The following TDRD5 variants were observed in gnomAD, a reference collection of about 807,000 sequenced individuals.
TDRD5 encodes tudor domain-containing protein 5.
TDRD5 carries 41 observed loss-of-function variants against 120.6 expected under a neutral mutation model. The observed-to-expected ratio is 0.34, with a 90% CI of 0.26 to 0.44. The LOEUF is 0.44. Among genes scored for constraint, TDRD5 ranks in the 20% least tolerant of loss-of-function variants. The pLI is 1.00. For missense variants in TDRD5, 1,006 were observed against 1,221.2 expected, an observed-to-expected ratio of 0.82 and a Z score of 2.63; for synonymous variants, 430 against 433.7, an observed-to-expected ratio of 0.99 and a Z score of 0.11.
chr1:179,654,079 A>G, intron 13 of TDRD5, 122 bp from the exon 14 acceptor site: 2 of 773,588 alleles, frequency 2.6e-6, no homozygotes, highest in East Asian at 2.9e-5. Flanking sequence ...GGATAAAGCT[A>G]TAAAATAATG....
chr1:179,663,870 AT>A (rs1396996352), intron 16 of TDRD5, among the ~76,000 whole-genome samples: 1 of 152,164 alleles, frequency 6.6e-6, no homozygotes. Context: ...CTTAGTCATA[AT>A]TTTAAGCTCT....
At position 179,650,894 on chromosome 1, in the gene TDRD5, C is replaced by A. The variant is rs1678674399; in HGVS notation, c.1828C>A (p.Gln610Lys). The part of the protein sequence containing the change: ...EEHWTSKAIL[Q>K]FQKLCGLKPL... ...ACACTGGACATCGAAAGCTATTTTG[C>A]AGTTCCAGAAGTTGTGCGGTTTGAA... Residue 610 changes from glutamine to lysine, a missense_variant, in exon 12 of 18, where the codon CAG (glutamine) becomes AAG (lysine). By Grantham distance (53) the Gln-to-Lys change is moderately conservative (BLOSUM62 1). Coordinates refer to ENST00000444136, the MANE Select transcript of TDRD5 (RefSeq NM_001199085.3). 1.1e-5 allele frequency: 17 copies of A among 1,614,088 alleles called. No homozygotes were observed. Among genetic ancestry groups the A allele is most frequent in the Non-Finnish European group, 1.4e-5 (16 of 1,180,022 alleles).
intron 7 of TDRD5, among the ~76,000 whole-genome samples, chr1:179,632,761 T>C (rs1393816872): frequency 6.6e-6 from 1 of 152,200 alleles, no homozygotes. Context: ...CACAAAACAG[T>C]AGTATATAAA....
chr1:179,670,549 C>T (rs1261943157), intron 17 of TDRD5, among the ~76,000 whole-genome samples: 2 of 152,202 alleles, frequency 1.3e-5, no homozygotes, highest in Non-Finnish European at 2.9e-5. Flanking sequence ...GTTCCAAGCA[C>T]TCCACATCCT....
rs1441641098 is a variant in TDRD5, at chr1:179,665,493, C to T, written c.2649+2002C>T. Among the ~76,000 whole-genome samples, 3 of 152,090 alleles carry T rather than the reference C, an allele frequency of 2.0e-5. No individual in the cohort carries two copies. The East Asian group carries it at 5.8e-4, about 29-fold the overall frequency. Reference sequence around the variant, plus strand: ...GCTGTACCAGCACTAGTTGTTGAAACGATGATTCTTTCCCCATGAATTGTC... The same window carrying T: ...GCTGTACCAGCACTAGTTGTTGAAATGATGATTCTTTCCCCATGAATTGTC... On this transcript the variant is annotated intron_variant, in intron 16 of 17. Coordinates refer to ENST00000444136, the MANE Select transcript of TDRD5 (RefSeq NM_001199085.3).
chr1:179,634,365 A>C, intron 7 of TDRD5, 92 bp from the exon 8 acceptor site: 1 of 1,341,988 alleles, frequency 7.5e-7, no homozygotes, highest in Non-Finnish European at 1.0e-6. Context: ...GTGCTTAGTA[A>C]TGGTTGTATA....
At chr1:179,636,694 T>C (rs1241243588) in intron 9 of TDRD5, among the ~76,000 whole-genome samples, 2 of 152,224 alleles carry the variant, frequency 1.3e-5, no homozygotes, top group South Asian at 2.1e-4. Context: ...TATAAAAATA[T>C]CACATTAATA....
chr1:179,682,601 G>C (rs982760801), intron 17 of TDRD5, among the ~76,000 whole-genome samples: 4 of 152,044 alleles, frequency 2.6e-5, no homozygotes, highest in Non-Finnish European at 5.9e-5. Context: ...GTATTCCATG[G>C]TGTATATGTG....
chr1:179,662,905 C>T (rs1419654861), intron 15 of TDRD5, among the ~76,000 whole-genome samples: 1 of 152,130 alleles, frequency 6.6e-6, no homozygotes, highest in Admixed American at 6.5e-5. Context: ...TTCTCTAATT[C>T]TACTGTTGTT....
intron 17 of TDRD5, among the ~76,000 whole-genome samples, chr1:179,680,049 T>C (rs1680338998): frequency 6.6e-6 from 1 of 152,160 alleles, no homozygotes; most frequent in Admixed American, 6.5e-5. Context: ...TAATTTCCCT[T>C]GTGAATTTTC....
intron 11 of TDRD5, among the ~76,000 whole-genome samples, chr1:179,646,246 T>A (rs1288394564): frequency 6.6e-6 from 1 of 152,176 alleles, no homozygotes; most frequent in African/African-American, 2.4e-5. Flanking sequence ...TGCAAGGACA[T>A]TAGAGCACTT....
At chr1:179,645,889 A>G (rs902578375) in intron 11 of TDRD5, among the ~76,000 whole-genome samples, 17 of 152,126 alleles carry the variant, frequency 1.1e-4, no homozygotes, top group Admixed American at 7.9e-4. Context: ...TAATATAACT[A>G]TCATTTTCTA....
At chr1:179,650,400 C>CAAAAA (rs35053562) in intron 11 of TDRD5, among the ~76,000 whole-genome samples, 3 of 90,960 alleles carry the variant, frequency 3.3e-5, no homozygotes, top group Non-Finnish European at 6.3e-5. Flanking sequence ...GACTCTGTCT[C>CAAAAA]AAAAAAAAAA....
chr1:179,671,185 A>AT (rs1296670363), intron 17 of TDRD5, among the ~76,000 whole-genome samples: 1 of 152,044 alleles, frequency 6.6e-6, no homozygotes, highest in Non-Finnish European at 1.5e-5. Context: ...TAAAATTTCC[A>AT]TTTTGTCCTC....
At chr1:179,670,570 T>A (rs1036362401) in intron 17 of TDRD5, among the ~76,000 whole-genome samples, 1 of 152,108 alleles carries the variant, frequency 6.6e-6, no homozygotes, top group Admixed American at 6.5e-5. Context: ...TGCCAGTAGA[T>A]GTTATTGTCG....
intron 5 of TDRD5, 85 bp downstream of exon 5, chr1:179,618,767 T>A: frequency 1.0e-6 from 1 of 971,772 alleles, no homozygotes; most frequent in Non-Finnish European, 1.5e-6. Flanking sequence ...CTGCAAGTAT[T>A]AATTTACATC....
chr1:179,608,821 C>T (rs1467564278), intron 4 of TDRD5, among the ~76,000 whole-genome samples: 4 of 151,690 alleles, frequency 2.6e-5, no homozygotes, highest in Admixed American at 6.6e-5. Flanking sequence ...GGATGCTAGA[C>T]CATTGTGAAT....
At chr1:179,651,091 G>A (rs1339066221) in intron 12 of TDRD5, 24 bp downstream of exon 12, 15 of 1,610,226 alleles carry the variant, frequency 9.3e-6, no homozygotes, top group African/African-American at 1.3e-5. Context: ...GATGTATTTT[G>A]TAATATATTT....
chr1:179,633,628 G>A (rs986696205), intron 7 of TDRD5, among the ~76,000 whole-genome samples: 7 of 152,066 alleles, frequency 4.6e-5, no homozygotes, highest in African/African-American at 7.2e-5. Flanking sequence ...GGGATTACAG[G>A]TGTGAGCCAC....
Sources: gnomAD v4.1 joint callset for allele counts (sites outside exome capture counted in the v4.1 genomes callset) on GRCh38, gnomAD v4.1.1 for gene constraint, MANE v1.5 for transcripts, NCBI Gene and HGNC (gene_info 2026-07-23, HGNC 2026-07-21) for gene names.